The following DIPK1A variants were observed in gnomAD, a reference collection of about 807,000 sequenced individuals.
DIPK1A encodes family with sequence similarity 69 member A.
In DIPK1A, 27 loss-of-function variants were observed where a neutral mutation model predicts 40.8. That is an observed-to-expected ratio of 0.66 (90% CI 0.49 to 0.91). The LOEUF (loss-of-function observed/expected upper bound fraction) is 0.91. DIPK1A is among the 40% of genes least tolerant of loss of function. The pLI is 0.00. For missense variants in DIPK1A, 412 were observed against 505.7 expected, an observed-to-expected ratio of 0.81 and a Z score of 1.78; for synonymous variants, 166 against 171.3, an observed-to-expected ratio of 0.97 and a Z score of 0.24.
intron 2 of DIPK1A, among the ~76,000 whole-genome samples, chr1:92,861,255 T>C (rs979647848): frequency 6.6e-6 from 1 of 151,998 alleles, no homozygotes; most frequent in Non-Finnish European, 1.5e-5. Context: ...TAAGAATTGA[T>C]TGAATTTTGC....
chr1:92,904,659 T>C (rs1447534976), intron 1 of DIPK1A, among the ~76,000 whole-genome samples: 2 of 152,120 alleles, frequency 1.3e-5, no homozygotes, highest in African/African-American at 4.8e-5. Flanking sequence ...CTTTATGTTA[T>C]GAACATTCCA....
At chr1:92,894,033 G>T (rs951372028) in intron 1 of DIPK1A, among the ~76,000 whole-genome samples, 8 of 152,022 alleles carry the variant, frequency 5.3e-5, no homozygotes, top group Non-Finnish European at 5.9e-5. Context: ...AAGAGACTTA[G>T]ACTCCCACAC....
chr1:92,833,341 T>C (rs2100676180), intron 4 of DIPK1A: 1 of 1,429,864 alleles, frequency 7.0e-7, no homozygotes, highest in Non-Finnish European at 9.9e-7. Flanking sequence ...GTCAAAAGTA[T>C]CATAGGCTAA....
intron 1 of DIPK1A, among the ~76,000 whole-genome samples, chr1:92,905,635 C>T (rs1326694521): frequency 6.6e-6 from 1 of 152,032 alleles, no homozygotes; most frequent in Non-Finnish European, 1.5e-5. Context: ...TGACGTGATT[C>T]CATTTGTCCA....
chr1:92,878,463 C>A (rs1175592640), intron 1 of DIPK1A, among the ~76,000 whole-genome samples: 2 of 152,038 alleles, frequency 1.3e-5, no homozygotes, highest in Non-Finnish European at 2.9e-5. Flanking sequence ...GACAGGCGAA[C>A]AACTTGAGGT....
At chr1:92,846,615 C>A in intron 4 of DIPK1A, 1 of 408,580 alleles carries the variant, frequency 2.4e-6, no homozygotes, top group Non-Finnish European at 4.8e-6. Flanking sequence ...CATTCTCCAA[C>A]ACAGATTTCT....
At chr1:92,945,810 C>G (rs1651337454) in intron 1 of DIPK1A, among the ~76,000 whole-genome samples, 1 of 152,208 alleles carries the variant, frequency 6.6e-6, no homozygotes, top group Non-Finnish European at 1.5e-5. Context: ...GAAATGTCCA[C>G]TTTCTGCAGC....
chr1:92,844,321 A>G, intron 4 of DIPK1A, 126 bp from the exon 5 acceptor site: 1 of 638,200 alleles, frequency 1.6e-6, no homozygotes, highest in Non-Finnish European at 2.8e-6. Context: ...CCAAACAGGA[A>G]CTTAATGTAT....
At chr1:92,930,177 A>G (rs1049105000) in intron 1 of DIPK1A, among the ~76,000 whole-genome samples, 1 of 134,462 alleles carries the variant, frequency 7.4e-6, no homozygotes, top group Non-Finnish European at 1.7e-5. Flanking sequence ...ATGCTGTTGA[A>G]TACTCTTCCT....
intron 1 of DIPK1A, among the ~76,000 whole-genome samples, chr1:92,907,391 G>T (rs560406852): frequency 6.6e-6 from 1 of 152,104 alleles, no homozygotes; most frequent in Non-Finnish European, 1.5e-5. Flanking sequence ...AGGGTCACAA[G>T]AGAAATTTCT....
downstream of DIPK1A, among the ~76,000 whole-genome samples, chr1:92,838,751 ATGACTATATATGAAG>A (rs1462532595): frequency 6.6e-6 from 1 of 152,208 alleles, no homozygotes. Flanking sequence ...GATTTGTTGA[ATGACTATATATGAAG>A]TCATCAAATG....
intron 1 of DIPK1A, among the ~76,000 whole-genome samples, chr1:92,945,324 T>C (rs764342383): frequency 6.6e-6 from 1 of 152,044 alleles, no homozygotes; most frequent in Non-Finnish European, 1.5e-5. Context: ...ACAAATAGCA[T>C]TAAAAAGCTA....
Position 92,843,844 on chromosome 1 carries a change from GA to G in DIPK1A, c.825del (p.Leu276Ter). The G allele has an allele frequency of 2.6e-6, 4 of 1,551,764 alleles. No individual in the cohort carries two copies. The highest frequency in any genetic ancestry group is 3.5e-6 in the Non-Finnish European group (4 of 1,147,016). On this transcript the variant is annotated frameshift_variant, in exon 5 of 5. Transcript: ENST00000370310. LOFTEE classifies it high-confidence loss of function. ...WPRKAKIAIG[L>X]LEFVEDVFHG... is the part of the protein sequence containing the mutation. Reference sequence around the variant, plus strand: ...TGGAAAACATCTTCCACAAATTCTAGAAGTCCTATGGCTATTTTGGCCTTTC... The same window carrying G: ...TGGAAAACATCTTCCACAAATTCTAGAGTCCTATGGCTATTTTGGCCTTTC...
intron 1 of DIPK1A, among the ~76,000 whole-genome samples, chr1:92,900,848 C>T (rs536672688): frequency 3.4e-4 from 52 of 152,078 alleles, no homozygotes; most frequent in African/African-American, 1.2e-3. Flanking sequence ...ACTGGCTTTC[C>T]TTGCTTTTCT....
In DIPK1A at chr1:92,929,964, G is replaced by A. The variant is rs1395273815; in HGVS notation, c.54+31412C>T. On this transcript the variant is annotated intron_variant, in intron 1 of 4. Coordinates refer to ENST00000370310, the MANE Select transcript of DIPK1A (RefSeq NM_001006605.5). ...GTTAAGCCAACAAACGTGGTCCTGG[G>A]CTTCACTCCAACTAAATAAATTTTT... Among the ~76,000 whole-genome samples, 3 of 152,192 alleles carry A rather than the reference G, an allele frequency of 2.0e-5. No homozygotes were observed. The East Asian group carries it at 5.8e-4, about 29-fold the overall frequency.
At chr1:92,917,080 T>C (rs75407187) in intron 1 of DIPK1A, among the ~76,000 whole-genome samples, 3,636 of 152,310 alleles carry the variant, frequency 0.024, 110 homozygotes, top group African/African-American at 0.068. Context: ...CTGTAAACAT[T>C]CAATGTTGTT....
intron 1 of DIPK1A, among the ~76,000 whole-genome samples, chr1:92,960,061 C>CT (rs1353021524): frequency 1.3e-5 from 2 of 151,130 alleles, no homozygotes; most frequent in African/African-American, 2.4e-5. Context: ...GGCCGGTAAG[C>CT]TTTTTTTTAA....
At chr1:92,856,466 G>A (rs1184432590) in intron 2 of DIPK1A, among the ~76,000 whole-genome samples, 3 of 152,146 alleles carry the variant, frequency 2.0e-5, no homozygotes, top group Non-Finnish European at 2.9e-5. Context: ...TGCCCAGGCT[G>A]GAGTGCAATG....
intron 1 of DIPK1A, among the ~76,000 whole-genome samples, chr1:92,909,980 G>A (rs966974721): frequency 1.3e-5 from 2 of 152,038 alleles, no homozygotes; most frequent in African/African-American, 4.8e-5. Context: ...TGCCTTCTTT[G>A]TACCAAATAA....
Sources: gnomAD v4.1 joint callset for allele counts (sites outside exome capture counted in the v4.1 genomes callset) on GRCh38, gnomAD v4.1.1 for gene constraint, MANE v1.5 for transcripts, NCBI Gene and HGNC (gene_info 2026-07-23, HGNC 2026-07-21) for gene names.